VAV3: variants seen among roughly 807,000 people sequenced by gnomAD.
VAV3 encodes the protein guanine nucleotide exchange factor VAV3.
In VAV3, 94 loss-of-function variants were observed where a neutral mutation model predicts 131.2. That is an observed-to-expected ratio of 0.72 (90% CI 0.61 to 0.85). The LOEUF is 0.85. Among genes scored for constraint, VAV3 ranks in the 40% least tolerant of loss-of-function variants. VAV3 has a pLI of 0.00. For missense variants in VAV3, 939 were observed against 1,002.7 expected, an observed-to-expected ratio of 0.94 and a Z score of 0.86; for synonymous variants, 349 against 342.0, an observed-to-expected ratio of 1.02 and a Z score of -0.22.
At chr1:107,673,871 T>C (rs1417589545) in intron 19 of VAV3, among the ~76,000 whole-genome samples, 1 of 152,216 alleles carries the variant, frequency 6.6e-6, no homozygotes, top group African/African-American at 2.4e-5. Flanking sequence ...TATAGGTAAT[T>C]TGTCCAGAGA....
chr1:107,684,933 T>C (rs1002264543), intron 18 of VAV3, among the ~76,000 whole-genome samples: 28 of 152,210 alleles, frequency 1.8e-4, no homozygotes, highest in African/African-American at 6.0e-4. Context: ...TTGACAGTAT[T>C]TTCAACAGGA....
rs191715909 is a variant in VAV3 at position 107,780,411 on chromosome 1, T to C, written c.322-919A>G. 8.0e-3 allele frequency among the ~76,000 whole-genome samples: 1,215 copies of C among 152,332 alleles called. 13 individuals carry two copies. The highest frequency in any genetic ancestry group is 0.017 in the South Asian group (82 of 4,826). On this transcript the variant is annotated intron_variant, in intron 2 of 26. Transcript: ENST00000370056. The stretch of plus-strand genomic sequence containing the variant: ...AATCTAAATGTTAAATATACTCTGC[T>C]AGCAACTTTACCCTTCCTTCAATCT...
rs370002366 is a variant in VAV3 at position 107,751,102 on chromosome 1, T to C, written c.1259+15A>G. 3.1e-6 allele frequency: 5 copies of C among 1,602,826 alleles called. No individual in the cohort carries two copies. The Admixed American group carries it at 8.6e-5, about 28-fold the overall frequency. ...CTAATTACTTATTTTGAAAATAGTA[T>C]TCTTCTTTTCTTACCTTTCTTGTTT... On this transcript the variant is annotated intron_variant, in intron 13 of 26. Coordinates refer to ENST00000370056, the MANE Select transcript of VAV3 (RefSeq NM_006113.5).
intron 2 of VAV3, among the ~76,000 whole-genome samples, chr1:107,854,283 T>G (rs1669365407): frequency 6.6e-6 from 1 of 152,152 alleles, no homozygotes; most frequent in Non-Finnish European, 1.5e-5. Flanking sequence ...GCATTCCAAC[T>G]TGGGCAACAG....
In VAV3 at chr1:107,842,209, C is replaced by T. The variant is rs535544384; in HGVS notation, c.321+32692G>A. On this transcript the variant is annotated intron_variant, in intron 2 of 26. Transcript: ENST00000370056. The stretch of plus-strand genomic sequence containing the variant: ...AGTGTGGAACCCCTCTTCTTTAAGA[C>T]ATTGCTTTAAACATTTAGTTCCCAA... Among the ~76,000 whole-genome samples, 3 of 152,304 alleles carry T rather than the reference C, an allele frequency of 2.0e-5. No homozygotes were observed. In the East Asian group the frequency reaches 5.8e-4, roughly 29 times the overall value.
chr1:107,897,894 TAC>T (rs1671677752), intron 1 of VAV3, among the ~76,000 whole-genome samples: 1 of 152,190 alleles, frequency 6.6e-6, no homozygotes, highest in African/African-American at 2.4e-5. Context: ...CTCTTTTCCC[TAC>T]ACTGTTCAAT....
intron 19 of VAV3, among the ~76,000 whole-genome samples, chr1:107,667,330 A>G (rs1657479813): frequency 6.6e-6 from 1 of 152,218 alleles, no homozygotes; most frequent in Admixed American, 6.5e-5. Flanking sequence ...TACACTGCTA[A>G]GTAGTGAGAA....
chr1:107,655,659 A>T (rs1011039404), intron 19 of VAV3, among the ~76,000 whole-genome samples: 7 of 152,124 alleles, frequency 4.6e-5, no homozygotes, highest in African/African-American at 1.7e-4. Flanking sequence ...GAGCAAAGGA[A>T]ACAATCAACA....
At chr1:107,939,847 T>TC (rs1314094948) in intron 1 of VAV3, among the ~76,000 whole-genome samples, 1 of 151,272 alleles carries the variant, frequency 6.6e-6, no homozygotes, top group Non-Finnish European at 1.5e-5. Flanking sequence ...ACTTAATATC[T>TC]CCCCCCACCC....
intron 19 of VAV3, chr1:107,668,979 G>A: frequency 1.0e-6 from 1 of 995,014 alleles, no homozygotes; most frequent in Non-Finnish European, 1.2e-6. Flanking sequence ...ACGGGTGTGG[G>A]GTTCAGGATT....
chr1:107,756,990 T>A (rs1312427770), intron 11 of VAV3, among the ~76,000 whole-genome samples: 1 of 152,122 alleles, frequency 6.6e-6, no homozygotes, highest in East Asian at 1.9e-4. Context: ...CTTCTTAGTT[T>A]TATGCGTTGT....
chr1:107,712,600 C>T (rs1557783747), intron 15 of VAV3, among the ~76,000 whole-genome samples: 1 of 152,068 alleles, frequency 6.6e-6, no homozygotes, highest in Non-Finnish European at 1.5e-5. Context: ...TTGAAGGGGA[C>T]CGAATATGTG....
At chr1:107,750,750 C>A (rs1663670054) in intron 13 of VAV3, among the ~76,000 whole-genome samples, 1 of 152,200 alleles carries the variant, frequency 6.6e-6, no homozygotes. Context: ...CTCACTTAAT[C>A]TTCTTTCTTA....
In VAV3 at chr1:107,573,333, A is replaced by G; in HGVS notation, c.2542T>C (p.Ter848GlnextTer18). Residue 848 changes from the stop codon to glutamine (Q), a stop_lost, in exon 27 of 27, where the codon TAA becomes CAA. Coordinates refer to ENST00000370056, the MANE Select transcript of VAV3 (RefSeq NM_006113.5). ...FPSTYVEEDE* is the reference protein window; with the variant it reads ...FPSTYVEEDEQ ...AGGGTGCAACACGGGATTTGAATTTATTCATCCTCTTCCACATATGTGGAT... is the reference window on the plus strand; with the variant it reads ...AGGGTGCAACACGGGATTTGAATTTGTTCATCCTCTTCCACATATGTGGAT... The G allele has an allele frequency of 6.2e-7, 1 of 1,614,144 alleles. No homozygotes were observed. The highest frequency in any genetic ancestry group is 8.5e-7 in the Non-Finnish European group (1 of 1,180,006).
intron 20 of VAV3, among the ~76,000 whole-genome samples, chr1:107,619,319 G>A (rs1227904655): frequency 6.6e-6 from 1 of 152,176 alleles, no homozygotes; most frequent in Non-Finnish European, 1.5e-5. Flanking sequence ...AAACGATCAG[G>A]AGAGAGAGGA....
At chr1:107,934,012 C>G (rs1178265218) in intron 1 of VAV3, among the ~76,000 whole-genome samples, 1 of 152,068 alleles carries the variant, frequency 6.6e-6, no homozygotes, top group African/African-American at 2.4e-5. Context: ...TGGTCTCTGG[C>G]CAGCTTTGTT....
chr1:107,785,539 G>A (rs769490792), intron 2 of VAV3: 27 of 1,275,572 alleles, frequency 2.1e-5, no homozygotes, highest in Non-Finnish European at 1.0e-6. Context: ...GTTCAAGAAG[G>A]GGTCCACGGC....
At chr1:107,592,199 T>C (rs75781995) in intron 25 of VAV3, among the ~76,000 whole-genome samples, 21,598 of 152,010 alleles carry the variant, frequency 0.14, 1,606 homozygotes, top group Non-Finnish European at 0.16. Context: ...TTAATGACAC[T>C]GAAGGTTTTA....
intron 2 of VAV3, among the ~76,000 whole-genome samples, chr1:107,843,483 T>C (rs1484656371): frequency 6.7e-6 from 1 of 149,032 alleles, no homozygotes. Flanking sequence ...TATAGACTTT[T>C]GTCTTAGAAT....
Sources: gnomAD v4.1 joint callset for allele counts (sites outside exome capture counted in the v4.1 genomes callset) on GRCh38, gnomAD v4.1.1 for gene constraint, MANE v1.5 for transcripts, NCBI Gene and HGNC (gene_info 2026-07-23, HGNC 2026-07-21) for gene names.